The following SNX8 variants were observed in gnomAD, a reference collection of about 807,000 sequenced individuals.
The protein encoded by SNX8 is sorting nexin 8.
A neutral mutation model predicts 51.6 loss-of-function variants in SNX8; 25 were observed. That is an observed-to-expected ratio of 0.48 (90% CI 0.35 to 0.68). The LOEUF is 0.68. Ranked by LOEUF, SNX8 falls within the 30% of genes least tolerant of loss-of-function variation. SNX8 has a pLI of 0.00. For missense variants in SNX8, 695 were observed against 624.0 expected, an observed-to-expected ratio of 1.11 and a Z score of -1.21; for synonymous variants, 324 against 277.0, an observed-to-expected ratio of 1.17 and a Z score of -1.68.
chr7:2,267,470 G>A (rs1362841908), intron 5 of SNX8, among the ~76,000 whole-genome samples: 10 of 131,236 alleles, frequency 7.6e-5, no homozygotes, highest in Admixed American at 6.8e-4. Flanking sequence ...TTGCAGGCAC[G>A]CGCCGCCACG....
At chr7:2,269,701 G>GTA in intron 4 of SNX8, 62 bp from the exon 5 acceptor site, 1 of 1,137,778 alleles carries the variant, frequency 8.8e-7, no homozygotes, top group South Asian at 1.4e-5. Context: ...CTGCTGTGGG[G>GTA]TATGGGTCAC....
chr7:2,283,133 AG>A (rs1215219368), intron 1 of SNX8, among the ~76,000 whole-genome samples: 3 of 151,896 alleles, frequency 2.0e-5, no homozygotes, highest in Non-Finnish European at 4.4e-5. Context: ...AAAAAAAAAA[AG>A]AAACAAACAA....
intron 1 of SNX8, among the ~76,000 whole-genome samples, chr7:2,333,224 G>A (rs1042108687): frequency 8.6e-5 from 13 of 151,910 alleles, no homozygotes; most frequent in African/African-American, 2.9e-4. Context: ...AAGCCCAGGA[G>A]TTTGAGACCA....
At chr7:2,315,402 A>T (rs1796737866), upstream of SNX8, among the ~76,000 whole-genome samples, 1 of 150,674 alleles carries the variant, frequency 6.6e-6, no homozygotes, top group Admixed American at 6.6e-5. Context: ...CCACTCACCC[A>T]CTCACTCACT....
At chr7:2,279,983 C>T (rs1414232020) in intron 1 of SNX8, among the ~76,000 whole-genome samples, 4 of 152,124 alleles carry the variant, frequency 2.6e-5, no homozygotes, top group Admixed American at 6.6e-5. Flanking sequence ...CTTCTAAATG[C>T]CCCAGTGTGT....
intron 7 of SNX8, among the ~76,000 whole-genome samples, chr7:2,260,935 G>A (rs1795320055): frequency 6.6e-6 from 1 of 152,172 alleles, no homozygotes; most frequent in African/African-American, 2.4e-5. Context: ...GGCATCCAGG[G>A]CTGAATCAGA....
At chr7:2,352,551 TC>T (rs1349646649) in intron 1 of SNX8, among the ~76,000 whole-genome samples, 12 of 152,010 alleles carry the variant, frequency 7.9e-5, no homozygotes, top group African/African-American at 2.7e-4. Flanking sequence ...AAAAACATAC[TC>T]CCAGGCGTAT....
In SNX8 at chr7:2,256,953, T is replaced by A. The variant is rs769454131; in HGVS notation, c.1205A>T (p.Gln402Leu). 8.7e-6 allele frequency: 14 copies of A among 1,613,584 alleles called. No homozygotes were observed. Among genetic ancestry groups the A allele is most frequent in the African/African-American group, 1.3e-5 (1 of 74,930 alleles). ...GAGGGGCAGGTAGACGTGGATGAGC[T>A]GCGTCTCCTGGTGCAGGCAGTACAG... is the stretch of plus-strand genomic sequence containing the variant. ...FSLYCLHQET[Q>L]LIHVYLPLTS... Residue 402 changes from glutamine to leucine, a missense_variant, in exon 10 of 11, where the codon CAG becomes CTG. Physicochemically the swap from Gln to Leu is moderately radical, Grantham distance 113 (BLOSUM62 -2). Transcript: ENST00000222990.
intron 1 of SNX8, among the ~76,000 whole-genome samples, chr7:2,321,809 T>C (rs1280228597): frequency 2.1e-5 from 3 of 143,380 alleles, no homozygotes; most frequent in Non-Finnish European, 4.5e-5. Flanking sequence ...CTGCAACCTC[T>C]GCCTCCCAGG....
In SNX8 at chr7:2,278,152, G is replaced by A. The variant is rs762614982; in HGVS notation, c.248C>T (p.Pro83Leu). 17 of 1,613,970 alleles carry A rather than the reference G, an allele frequency of 1.1e-5. No individual in the cohort carries two copies. Among genetic ancestry groups the A allele is most frequent in the South Asian group, 6.6e-5 (6 of 91,062 alleles). The stretch of plus-strand genomic sequence containing the variant: ...CTTCAGGAAGAGGCCCTTCTTCTCC[G>A]GAATGAGCTCCACCTGCACGGTGTC... ...ARDTVQVELIPEKKGLFLKHV... is the reference protein window; with the variant it reads ...ARDTVQVELILEKKGLFLKHV... Residue 83 changes from proline (P) to leucine (L), a missense_variant, in exon 2 of 11, where the codon CCG (proline) becomes CTG (leucine). Transcript: ENST00000222990.
intron 1 of SNX8, among the ~76,000 whole-genome samples, chr7:2,347,964 T>C (rs973279158): frequency 3.9e-5 from 6 of 152,092 alleles, no homozygotes; most frequent in African/African-American, 1.2e-4. Flanking sequence ...TTTGAATCCA[T>C]GGATGCCTCT....
At chr7:2,290,329 G>A (rs975676908) in intron 1 of SNX8, among the ~76,000 whole-genome samples, 18 of 151,894 alleles carry the variant, frequency 1.2e-4, no homozygotes, top group African/African-American at 4.4e-4. Context: ...AGTCAGACTC[G>A]GTCTCTACTA....
At chr7:2,301,590 G>A (rs1261850674) in intron 1 of SNX8, among the ~76,000 whole-genome samples, 1 of 152,154 alleles carries the variant, frequency 6.6e-6, no homozygotes, top group Non-Finnish European at 1.5e-5. Flanking sequence ...TGCAAACTAA[G>A]GGGTGATTTA....
chr7:2,263,863 C>A (rs1167731095), intron 6 of SNX8, among the ~76,000 whole-genome samples: 1 of 152,172 alleles, frequency 6.6e-6, no homozygotes, highest in Non-Finnish European at 1.5e-5. Flanking sequence ...CAGGCACCCG[C>A]CACCACGCCC....
chr7:2,330,154 T>TC (rs1304569084), intron 1 of SNX8, among the ~76,000 whole-genome samples: 1 of 146,052 alleles, frequency 6.8e-6, no homozygotes, highest in African/African-American at 2.5e-5. Flanking sequence ...TTTTTTTTTT[T>TC]TGAGACAGGG....
At chr7:2,343,327 GA>G (rs946469734) in intron 1 of SNX8, among the ~76,000 whole-genome samples, 2 of 151,918 alleles carry the variant, frequency 1.3e-5, no homozygotes, top group Non-Finnish European at 2.9e-5. Flanking sequence ...CACACCCTGG[GA>G]AAAAATATTT....
intron 1 of SNX8, among the ~76,000 whole-genome samples, chr7:2,302,609 A>G (rs967801924): frequency 1.3e-4 from 20 of 148,928 alleles, no homozygotes; most frequent in Non-Finnish European, 2.7e-4. Context: ...CCCAGTCTGG[A>G]AAGTGAGGAG....
intron 1 of SNX8, among the ~76,000 whole-genome samples, chr7:2,292,772 C>A (rs1256465339): frequency 6.6e-6 from 1 of 152,086 alleles, no homozygotes; most frequent in African/African-American, 2.4e-5. Context: ...AAATACCCAG[C>A]AATTTGGGAG....
Position 2,256,817 on chromosome 7 carries a change from G to T in SNX8, c.1284+57C>A. ...CCGCGCTGCCGGGCTTGAAGGAAGG[G>T]CGGAGGGACAAAGAAAGGCCGTGGC... On this transcript the variant is annotated intron_variant, in intron 10 of 10. Coordinates refer to ENST00000222990, the MANE Select transcript of SNX8 (RefSeq NM_013321.4). 3 of 1,561,130 alleles carry T rather than the reference G, an allele frequency of 1.9e-6. No individual in the cohort carries two copies. In the South Asian group the frequency reaches 3.6e-5, roughly 19 times the overall value.
Sources: gnomAD v4.1 joint callset for allele counts (sites outside exome capture counted in the v4.1 genomes callset) on GRCh38, gnomAD v4.1.1 for gene constraint, MANE v1.5 for transcripts, NCBI Gene and HGNC (gene_info 2026-07-23, HGNC 2026-07-21) for gene names.